ZFPM2: variants seen among roughly 807,000 people sequenced by gnomAD.
ZFPM2 encodes the protein zinc finger protein ZFPM2.
Under a neutral mutation model 98.6 loss-of-function variants are expected in ZFPM2, and 20 were observed. The observed-to-expected ratio is 0.20, with a 90% CI of 0.14 to 0.29. The LOEUF (loss-of-function observed/expected upper bound fraction) is 0.29, where lower values mean the gene tolerates loss of function less well. Ranked by LOEUF, ZFPM2 falls within the 10% of genes least tolerant of loss-of-function variation. The probability of loss-of-function intolerance (pLI) is 1.00; values close to 1 mark genes in which losing one functional copy is unlikely to be tolerated. For missense variants in ZFPM2, 1,310 were observed against 1,388.6 expected (o/e 0.94, Z 0.90); for synonymous variants, 518 against 502.7 (o/e 1.03, Z -0.41).
At chr8:105,729,010 G>A (rs1307783628) in intron 5 of ZFPM2, among the ~76,000 whole-genome samples, 1 of 151,598 alleles carries the variant, frequency 6.6e-6, no homozygotes, top group Non-Finnish European at 1.5e-5. Flanking sequence ...TGGTTACTAA[G>A]GGTATTAAGA....
In ZFPM2 at chr8:105,757,505, T is replaced by A. The variant is rs183032111; in HGVS notation, c.533-31213T>A. Among the ~76,000 whole-genome samples the A allele has an allele frequency of 1.9e-3, 284 of 152,294 alleles. 2 individuals are homozygous for A. Among genetic ancestry groups the A allele is most frequent in the Non-Finnish European group, 1.6e-3 (110 of 68,016 alleles). On this transcript the variant is annotated intron_variant, in intron 5 of 7. Transcript: ENST00000407775. ...CACATATTAAAAATTTGCTTCCACATCCAGGACAAAACGCGTAGTTATTAT... is the reference window on the plus strand; with the variant it reads ...CACATATTAAAAATTTGCTTCCACAACCAGGACAAAACGCGTAGTTATTAT...
At chr8:105,427,999 A>T (rs1203780324) in intron 2 of ZFPM2, among the ~76,000 whole-genome samples, 1 of 152,170 alleles carries the variant, frequency 6.6e-6, no homozygotes, top group Non-Finnish European at 1.5e-5. Flanking sequence ...TTTGCCTGTA[A>T]CTTCCAGAGG....
Position 105,801,148 on chromosome 8 carries a change from T to C in ZFPM2, c.1066T>C (p.Ser356Pro). 6.2e-6 allele frequency: 10 copies of C among 1,613,934 alleles called. No individual in the cohort carries two copies. The highest frequency in any genetic ancestry group is 8.5e-6 in the Non-Finnish European group (10 of 1,179,884). The part of the protein sequence containing the change: ...SVINFHQHLF[S>P]HLTQAAFRCN... The stretch of plus-strand genomic sequence containing the variant: ...GATCAACTTTCACCAACACCTGTTC[T>C]CCCATCTCACTCAAGCTGCCTTCCG... The change falls in exon 8 of 8, where the codon TCC (serine) becomes CCC (proline). Residue 356 changes from serine (S) to proline (P), a missense_variant. Transcript: ENST00000407775.
rs1811759172 is a variant in ZFPM2, at chr8:105,724,519, C to T, written c.533-64199C>T. Among the ~76,000 whole-genome samples, 3 of 151,866 alleles carry T rather than the reference C, an allele frequency of 2.0e-5. No homozygotes were observed. In the South Asian group the frequency reaches 6.2e-4, roughly 31 times the overall value. ...CCACCATCACTTTTTATGAGATAAG[C>T]AATTTACTGGAAAGAGAAACTGCTC... is the stretch of plus-strand genomic sequence containing the variant. On this transcript the variant is annotated intron_variant, in intron 5 of 7. Transcript: ENST00000407775.
At chr8:105,617,145 C>T (rs1337191595) in intron 4 of ZFPM2, among the ~76,000 whole-genome samples, 1 of 145,870 alleles carries the variant, frequency 6.9e-6, no homozygotes, top group Non-Finnish European at 1.5e-5. Flanking sequence ...TTTTCTGCGT[C>T]GTTTCCTCAT....
At chr8:105,587,486 A>G (rs1001063161) in intron 4 of ZFPM2, among the ~76,000 whole-genome samples, 8 of 152,146 alleles carry the variant, frequency 5.3e-5, no homozygotes, top group Admixed American at 4.6e-4. Context: ...TGCTTTCTGC[A>G]TAAGAATGTA....
At chr8:105,413,482 TTATATATA>T (rs200856542) in intron 1 of ZFPM2, among the ~76,000 whole-genome samples, 4 of 140,012 alleles carry the variant, frequency 2.9e-5, no homozygotes, top group African/African-American at 7.9e-5. Context: ...AATTCAAACA[TTATATATA>T]TATATATATA....
At chr8:105,738,347 G>A (rs1272869007) in intron 5 of ZFPM2, among the ~76,000 whole-genome samples, 1 of 151,972 alleles carries the variant, frequency 6.6e-6, no homozygotes, top group Non-Finnish European at 1.5e-5. Flanking sequence ...CAAAGAACAT[G>A]ATCTCACTCT....
chr8:105,803,092 A>C lies in ZFPM2; in HGVS notation c.3010A>C (p.Ile1004Leu). ...SGSLVIHNTD[I>L]EQSRNAENES... Reference sequence around the variant, plus strand: ...TTCTCTTGTCATCCATAACACTGACATCGAGCAAAGCAGAAATGCAGAAAA... The same window carrying C: ...TTCTCTTGTCATCCATAACACTGACCTCGAGCAAAGCAGAAATGCAGAAAA... Residue 1004 changes from isoleucine to leucine, a missense_variant, in exon 8 of 8, where the codon ATC becomes CTC. Ile to Leu is a conservative substitution (Grantham distance 5, BLOSUM62 2). Coordinates refer to ENST00000407775, the MANE Select transcript of ZFPM2 (RefSeq NM_012082.4). 1 of 1,613,926 alleles carries C rather than the reference A, an allele frequency of 6.2e-7. No homozygotes were observed. The highest frequency in any genetic ancestry group is 2.2e-5 in the East Asian group (1 of 44,858).
At chr8:105,479,762 T>C (rs1043614469) in intron 3 of ZFPM2, among the ~76,000 whole-genome samples, 1 of 152,188 alleles carries the variant, frequency 6.6e-6, no homozygotes, top group Non-Finnish European at 1.5e-5. Context: ...GAATCTACAA[T>C]ATTGGTTTTC....
rs1426591837 is a variant in ZFPM2, at chr8:105,318,507, G to C, written c.-435G>C. Among the ~76,000 whole-genome samples, 1 of 150,314 alleles carries C rather than the reference G, an allele frequency of 6.7e-6. No homozygotes were observed. Among genetic ancestry groups the C allele is most frequent in the Non-Finnish European group, 1.5e-5 (1 of 67,374 alleles). ...GTATCCGTCCCGCACGCCGGGGCGAGGGGCGAGCGAGCGCGCTCCTCCTCC... is the reference window on the plus strand; with the variant it reads ...GTATCCGTCCCGCACGCCGGGGCGACGGGCGAGCGAGCGCGCTCCTCCTCC... On this transcript the variant is annotated 5_prime_UTR_variant, in exon 1 of 8. Transcript: ENST00000407775.
chr8:105,346,207 G>A (rs1812523223), intron 1 of ZFPM2, among the ~76,000 whole-genome samples: 1 of 151,832 alleles, frequency 6.6e-6, no homozygotes, highest in African/African-American at 2.4e-5. Context: ...CCAACATGGA[G>A]AAACCTCTTC....
intron 3 of ZFPM2, among the ~76,000 whole-genome samples, chr8:105,487,948 A>ATCTATCTATCTATCTG (rs1212803220): frequency 7.4e-6 from 1 of 134,302 alleles, no homozygotes; most frequent in African/African-American, 2.7e-5. Flanking sequence ...CTAGCTAGCT[A>ATCTATCTATCTATCTG]GCTATCTGTC....
At chr8:105,767,511 A>T (rs528548672) in intron 5 of ZFPM2, among the ~76,000 whole-genome samples, 1 of 152,044 alleles carries the variant, frequency 6.6e-6, no homozygotes, top group Non-Finnish European at 1.5e-5. Context: ...AAAATGAAAC[A>T]GTTATTTGAA....
Position 105,576,420 on chromosome 8 carries a change from A to G in ZFPM2, c.420+14939A>G, listed in dbSNP as rs1815469828. Among the ~76,000 whole-genome samples the G allele has an allele frequency of 2.0e-5, 3 of 152,296 alleles. No individual in the cohort carries two copies. The East Asian group carries it at 5.8e-4, about 29-fold the overall frequency. On this transcript the variant is annotated intron_variant, in intron 4 of 7. Transcript: ENST00000407775. ...CATGGATAGTCCAGTGCTTATCTAGAAAAACTTAGCTGCTTGGAGGTGATG... is the reference window on the plus strand; with the variant it reads ...CATGGATAGTCCAGTGCTTATCTAGGAAAACTTAGCTGCTTGGAGGTGATG...
intron 5 of ZFPM2, among the ~76,000 whole-genome samples, chr8:105,748,671 A>G (rs1812407063): frequency 6.6e-6 from 1 of 152,012 alleles, no homozygotes; most frequent in Admixed American, 6.6e-5. Flanking sequence ...TATCTCCGAA[A>G]AAAATGATTT....
chr8:105,395,096 C>A (rs1296721411), intron 1 of ZFPM2, among the ~76,000 whole-genome samples: 2 of 152,156 alleles, frequency 1.3e-5, no homozygotes, highest in Admixed American at 6.5e-5. Context: ...ACAGCCCCTA[C>A]ATATCTCCAT....
intron 6 of ZFPM2, among the ~76,000 whole-genome samples, chr8:105,791,447 A>G (rs1251071902): frequency 2.0e-5 from 3 of 152,088 alleles, no homozygotes; most frequent in Non-Finnish European, 2.9e-5. Flanking sequence ...AGCCCACTTG[A>G]TCATGGTGGA....
At chr8:105,579,753 C>A (rs370810460) in intron 4 of ZFPM2, among the ~76,000 whole-genome samples, 3 of 152,116 alleles carry the variant, frequency 2.0e-5, no homozygotes, top group Admixed American at 1.3e-4. Context: ...TGTGAAGGAA[C>A]AAAAATCAGT....
Sources: allele counts gnomAD v4.1 joint callset (sites outside exome capture counted in the v4.1 genomes callset), GRCh38; gene constraint gnomAD v4.1.1; transcripts MANE v1.5; gene names NCBI Gene and HGNC (gene_info 2026-07-23, HGNC 2026-07-21).